The following PDE4D variants were observed in gnomAD, a reference collection of about 807,000 sequenced individuals.
PDE4D encodes the protein 3',5'-cyclic-AMP phosphodiesterase 4D.
Under a neutral mutation model 87.4 loss-of-function variants are expected in PDE4D, and 24 were observed. That is an observed-to-expected ratio of 0.27 (90% CI 0.20 to 0.39). PDE4D has a LOEUF of 0.39. PDE4D is among the 10% of genes least tolerant of loss of function. PDE4D has a pLI of 1.00. For missense variants in PDE4D, 714 were observed against 1,041.0 expected (o/e 0.69, Z 4.32); for synonymous variants, 384 against 383.2 (o/e 1.00, Z -0.02).
intron 1 of PDE4D, among the ~76,000 whole-genome samples, chr5:59,691,715 ATAAT>A (rs1750971612): frequency 2.8e-5 from 2 of 70,494 alleles, no homozygotes; most frequent in Non-Finnish European, 5.7e-5. Context: ...AACTTAAAGT[ATAAT>A]AAAAAAAAAA....
chr5:59,008,558 C>T (rs1752124024), intron 6 of PDE4D, among the ~76,000 whole-genome samples: 2 of 152,074 alleles, frequency 1.3e-5, no homozygotes, highest in Admixed American at 1.3e-4. Context: ...GAAACTTCAA[C>T]CTTTATCCTG....
At position 59,393,185 on chromosome 5, in the gene PDE4D, T is replaced by A. The variant is rs61050696; in HGVS notation, c.456-177217A>T. ...TACATATGGAAAGAAATATACTGAT[T>A]TGAGTGAACCCAAGCAGAGTTTGAA... On this transcript the variant is annotated intron_variant, in intron 1 of 14. Transcript: ENST00000340635. Among the ~76,000 whole-genome samples the A allele has an allele frequency of 2.8e-4, 43 of 152,150 alleles. No individual in the cohort carries two copies. The East Asian group carries it at 8.1e-3, about 29-fold the overall frequency.
At position 58,988,537 on chromosome 5, in the gene PDE4D, T is replaced by C; in HGVS notation, c.1508A>G (p.Asp503Gly). 1 of 1,509,404 alleles carries C rather than the reference T, an allele frequency of 6.6e-7. No homozygotes were observed. 93.5% of individuals were successfully genotyped at this position (1,509,404 alleles called of 1,614,324 possible). Reference protein sequence around the residue: ...LAAIFASAIHDVDHPGVSNQF... With the variant: ...LAAIFASAIHGVDHPGVSNQF... ...ATTGGACACACCAGGATGATCTACA[T>C]CATGTATTGCACTGGCAAAAATTGC... Residue 503 changes from aspartate to glycine, a missense_variant, in exon 11 of 15, where the codon GAT becomes GGT. Physicochemically the swap from Asp to Gly is moderately conservative, Grantham distance 94. Coordinates refer to ENST00000340635, the MANE Select transcript of PDE4D (RefSeq NM_001104631.2).
intron 3 of PDE4D, among the ~76,000 whole-genome samples, chr5:59,969,539 T>C (rs1760459595): frequency 6.6e-6 from 1 of 152,148 alleles, no homozygotes; most frequent in Non-Finnish European, 1.5e-5. Flanking sequence ...GTTTGGGGAA[T>C]GACTTGTCTC....
At chr5:59,713,544 C>T (rs978153813) in intron 1 of PDE4D, among the ~76,000 whole-genome samples, 3 of 152,152 alleles carry the variant, frequency 2.0e-5, no homozygotes, top group Admixed American at 1.3e-4. Context: ...CACCACTCAC[C>T]CACTGACTCC....
intron 1 of PDE4D, among the ~76,000 whole-genome samples, chr5:59,267,139 TC>T (rs1762980152): frequency 6.6e-6 from 1 of 152,088 alleles, no homozygotes; most frequent in South Asian, 2.1e-4. Context: ...TACTTGCTAT[TC>T]TATAACAAAG....
chr5:59,353,856 T>C (rs1282354746), intron 1 of PDE4D, among the ~76,000 whole-genome samples: 4 of 152,154 alleles, frequency 2.6e-5, no homozygotes, highest in Non-Finnish European at 4.4e-5. Context: ...AGATAAAAAA[T>C]TGTCACAGCT....
chr5:60,367,217 G>A (rs556387300), intron 1 of PDE4D, among the ~76,000 whole-genome samples: 1 of 152,174 alleles, frequency 6.6e-6, no homozygotes, highest in Non-Finnish European at 1.5e-5. Context: ...GGGAGGGCGA[G>A]GTGGGCAGAT....
chr5:59,392,305 A>T (rs1193220363), intron 1 of PDE4D, among the ~76,000 whole-genome samples: 1 of 148,556 alleles, frequency 6.7e-6, no homozygotes, highest in Non-Finnish European at 1.5e-5. Context: ...GAAAAGAAAG[A>T]CTGGCCTAGC....
chr5:60,452,831 C>A (rs890199126), intron 1 of PDE4D, among the ~76,000 whole-genome samples: 6 of 151,938 alleles, frequency 3.9e-5, no homozygotes, highest in African/African-American at 1.2e-4. Flanking sequence ...TTAAAAGTAG[C>A]ATCTTCATGT....
At chr5:59,176,276 G>T (rs1457056822) in intron 5 of PDE4D, among the ~76,000 whole-genome samples, 1 of 152,154 alleles carries the variant, frequency 6.6e-6, no homozygotes, top group East Asian at 1.9e-4. Context: ...CTCTCGGCCA[G>T]GTGTGGTGGC....
chr5:59,633,940 T>A (rs557829740), intron 1 of PDE4D, among the ~76,000 whole-genome samples: 1 of 152,268 alleles, frequency 6.6e-6, no homozygotes, highest in South Asian at 2.1e-4. Flanking sequence ...TGGCACAGGC[T>A]GGCAAACTAG....
chr5:59,117,807 CTT>C (rs201039884), intron 5 of PDE4D, among the ~76,000 whole-genome samples: 5 of 141,984 alleles, frequency 3.5e-5, no homozygotes, highest in Admixed American at 1.4e-4. Flanking sequence ...AGGTTTTTAA[CTT>C]TTTTTTTTTT....
intron 1 of PDE4D, among the ~76,000 whole-genome samples, chr5:59,689,019 G>A (rs1188907821): frequency 1.3e-5 from 2 of 152,142 alleles, no homozygotes; most frequent in Non-Finnish European, 2.9e-5. Flanking sequence ...GACTAAACCA[G>A]GAAGAAGTTG....
At chr5:60,314,991 G>T (rs370923724) in intron 1 of PDE4D, among the ~76,000 whole-genome samples, 30 of 152,170 alleles carry the variant, frequency 2.0e-4, no homozygotes, top group African/African-American at 6.5e-4. Context: ...TAATCCTTTG[G>T]GTATATACCC....
chr5:60,092,131 T>C (rs1381105082), intron 2 of PDE4D, among the ~76,000 whole-genome samples: 2 of 128,454 alleles, frequency 1.6e-5, no homozygotes, highest in East Asian at 2.3e-4. Flanking sequence ...AAAAAAGCAA[T>C]GAAATTCTGT....
chr5:59,407,252 CT>C (rs1405631707), intron 1 of PDE4D, among the ~76,000 whole-genome samples: 31 of 152,184 alleles, frequency 2.0e-4, no homozygotes, highest in African/African-American at 7.5e-4. Context: ...CTTGCTCCCC[CT>C]ATTGCCACGT....
In PDE4D at chr5:60,313,159, A is replaced by T. The variant is rs536914782; in HGVS notation, c.-89-127472T>A. ...CCAGGAGTTGGTTTTTTGAAAGAATAAATAAAATTGATACACCACTAGCTA... is the reference window on the plus strand; with the variant it reads ...CCAGGAGTTGGTTTTTTGAAAGAATTAATAAAATTGATACACCACTAGCTA... On this transcript the variant is annotated intron_variant, in intron 1 of 16. Coordinates refer to the PDE4D transcript ENST00000502484. Among the ~76,000 whole-genome samples the T allele has an allele frequency of 2.6e-5, 4 of 152,222 alleles. No individual in the cohort carries two copies. The East Asian group carries it at 7.7e-4, about 29-fold the overall frequency.
chr5:60,085,244 T>C (rs1265698480), intron 2 of PDE4D, among the ~76,000 whole-genome samples: 1 of 151,908 alleles, frequency 6.6e-6, no homozygotes, highest in Non-Finnish European at 1.5e-5. Flanking sequence ...GCTGGGTAGT[T>C]TGGGTAAGGG....
Sources: gnomAD v4.1 joint callset for allele counts (sites outside exome capture counted in the v4.1 genomes callset) on GRCh38, gnomAD v4.1.1 for gene constraint, MANE v1.5 for transcripts, NCBI Gene and HGNC (gene_info 2026-07-23, HGNC 2026-07-21) for gene names.